Variants in TRIM29 observed in about 807,000 individuals in gnomAD.
TRIM29 encodes the protein tripartite motif-containing protein 29.
Under a neutral mutation model 57.3 loss-of-function variants are expected in TRIM29, and 52 were observed. The ratio of observed to expected loss-of-function variants is 0.91; its 90% confidence interval spans 0.73 to 1.14. The LOEUF (loss-of-function observed/expected upper bound fraction) is 1.14, where lower values mean the gene tolerates loss of function less well. Ranked by LOEUF, TRIM29 falls within the 50% of genes most tolerant of loss-of-function variation. The pLI is 0.00. For synonymous variants in TRIM29, 319 were observed against 316.9 expected, an observed-to-expected ratio of 1.01 and a Z score of -0.07; for missense variants, 753 against 774.6, an observed-to-expected ratio of 0.97 and a Z score of 0.33.
intron 1 of TRIM29, among the ~76,000 whole-genome samples, chr11:120,130,616 C>G (rs1863701275): frequency 6.6e-6 from 1 of 152,186 alleles, no homozygotes; most frequent in African/African-American, 2.4e-5. Flanking sequence ...GGAAGAGGAC[C>G]TGCCTTCCAG....
chr11:120,126,064 A>G lies in TRIM29; in HGVS notation c.1135-175T>C, dbSNP rs893432300. On this transcript the variant is annotated intron_variant, in intron 3 of 8. Coordinates refer to ENST00000341846, the MANE Select transcript of TRIM29 (RefSeq NM_012101.4). ...AAAAGGTTCAACTAAAAGCCACTGG[A>G]TGCTAACATCCCTGATGGCACTAGC... 8 of 647,740 alleles carry G rather than the reference A, an allele frequency of 1.2e-5. No homozygotes were observed. The African/African-American group carries it at 1.5e-4, about 12-fold the overall frequency. The allele number at this position is 647,740 out of a possible 1,614,324, so 40.1% of individuals were successfully genotyped here. A position where few individuals can be genotyped will look rare whatever the true frequency, so the allele number is the denominator to read the frequency against.
At chr11:120,120,722 T>C in intron 5 of TRIM29, 57 bp from the exon 6 acceptor site, 5 of 1,559,986 alleles carry the variant, frequency 3.2e-6, no homozygotes, top group Non-Finnish European at 4.4e-6. Context: ...CAGGACTCCT[T>C]GCCCCCAAAA....
chr11:120,128,891 C>G, intron 1 of TRIM29: 3 of 1,448,452 alleles, frequency 2.1e-6, no homozygotes, highest in African/African-American at 2.8e-5. Context: ...CAGCTCAGCC[C>G]AGCCCAGCCC....
chr11:120,120,225 A>G lies in TRIM29; in HGVS notation c.1528+348T>C, dbSNP rs1047098181. Among the ~76,000 whole-genome samples the G allele has an allele frequency of 1.6e-4, 24 of 151,944 alleles. 1 individual carries two copies. Among genetic ancestry groups the G allele is most frequent in the Admixed American group, 1.5e-3 (23 of 15,262 alleles). On this transcript the variant is annotated intron_variant, in intron 6 of 8. Transcript: ENST00000341846. ...AAGCCCAAGGTGGCTGCTCAGACCC[A>G]GTTTTCCCCAGATCCTTCCTCAGGG...
At chr11:120,129,735 C>G (rs1276241564) in intron 1 of TRIM29, among the ~76,000 whole-genome samples, 1 of 151,928 alleles carries the variant, frequency 6.6e-6, no homozygotes, top group African/African-American at 2.4e-5. Context: ...CCTGGCTTTC[C>G]TGGAAAAGGT....
chr11:120,127,528 G>A lies in TRIM29; in HGVS notation c.942C>T (p.Phe314=), dbSNP rs144234206. ...TNEKAILEQN[F]RDLVRDLEKQ... ...TCTCCAGGTCCCGCACCAGGTCCCG[G>A]AAGTTCTGCTCCAGGATGGCCTTCT... Residue 314 remains phenylalanine (F), a synonymous_variant, in exon 3 of 9, where the codon TTC becomes TTT. Transcript: ENST00000341846. 25 of 1,614,064 alleles carry A rather than the reference G, an allele frequency of 1.5e-5. No individual in the cohort carries two copies. Among genetic ancestry groups the A allele is most frequent in the South Asian group, 2.2e-5 (2 of 91,088 alleles).
At chr11:120,122,858 C>A (rs1863493103) in intron 5 of TRIM29, 96 bp downstream of exon 5, 1 of 982,980 alleles carries the variant, frequency 1.0e-6, no homozygotes, top group African/African-American at 1.6e-5. Context: ...ATCACCCCCA[C>A]TCAGAAGGAA....
intron 3 of TRIM29, among the ~76,000 whole-genome samples, chr11:120,126,508 T>C (rs1373875021): frequency 6.6e-6 from 1 of 152,176 alleles, no homozygotes; most frequent in Non-Finnish European, 1.5e-5. Flanking sequence ...CCTCCCAAAG[T>C]GCTGGGATTA....
chr11:120,123,539 G>A (rs1863513435), intron 4 of TRIM29: 1 of 438,902 alleles, frequency 2.3e-6, no homozygotes, highest in South Asian at 1.7e-5. Context: ...GCAGCCTAAG[G>A]TGAGGGGATG....
At position 120,123,055 on chromosome 11, in the gene TRIM29, C is replaced by T. The variant is rs780660824; in HGVS notation, c.1334G>A (p.Gly445Asp). 1.9e-6 allele frequency: 3 copies of T among 1,613,920 alleles called. No individual in the cohort carries two copies. The East Asian group carries it at 6.7e-5, about 36-fold the overall frequency. ...GTTGTTCACATAGCGATGGTCACCA[C>T]CTAGGAAGCAGAGGGTCGGGTCAGC... ...NFIERNHMEN[G>D]GDHRYVNNYT... is the part of the protein sequence containing the mutation. The change falls in exon 5 of 9, where the codon GGT (glycine) becomes GAT (aspartate). Residue 445 changes from glycine (G) to aspartate (D), a missense_variant and splice_region_variant. By Grantham distance (94) the Gly-to-Asp change is moderately conservative. Transcript: ENST00000341846.
At chr11:120,115,695 G>A (rs936635152) in intron 7 of TRIM29, 25 of 455,228 alleles carry the variant, frequency 5.5e-5, no homozygotes, top group South Asian at 1.8e-4. Flanking sequence ...CACATCCAGC[G>A]CAGCATCACA....
Position 120,138,091 on chromosome 11 carries a change from T to C in TRIM29, c.-60A>G, listed in dbSNP as rs1863859110. On this transcript the variant is annotated 5_prime_UTR_variant, in exon 1 of 9. Coordinates refer to ENST00000341846, the MANE Select transcript of TRIM29 (RefSeq NM_012101.4). Reference sequence around the variant, plus strand: ...TGGGGTTCAGGATAGGTGACCTTTCTGGCAGGCGTCTCGGCAGGGAGTGGG... The same window carrying C: ...TGGGGTTCAGGATAGGTGACCTTTCCGGCAGGCGTCTCGGCAGGGAGTGGG... 2.8e-6 allele frequency: 4 copies of C among 1,450,972 alleles called. No homozygotes were observed. The highest frequency in any genetic ancestry group is 3.6e-6 in the Non-Finnish European group (4 of 1,102,062). 89.9% of individuals were successfully genotyped at this position (1,450,972 alleles called of 1,614,324 possible).
chr11:120,134,438 C>T (rs1373357678), intron 1 of TRIM29, among the ~76,000 whole-genome samples: 2 of 152,224 alleles, frequency 1.3e-5, no homozygotes, highest in Admixed American at 6.5e-5. Flanking sequence ...TTTGGGTCTG[C>T]AGGAGATGCC....
At chr11:120,122,131 A>AGTGTGT (rs72245071) in intron 5 of TRIM29, 38,981 of 203,524 alleles carry the variant, frequency 0.19, 4,845 homozygotes, top group Non-Finnish European at 0.25. Flanking sequence ...TGTGTGTGTG[A>AGTGTGT]GTGTGTGTGT....
At chr11:120,120,260 GCA>G (rs1272640960) in intron 6 of TRIM29, among the ~76,000 whole-genome samples, 2 of 151,702 alleles carry the variant, frequency 1.3e-5, no homozygotes, top group African/African-American at 4.8e-5. Context: ...GATCAGAAGA[GCA>G]CACAGACTCA....
At chr11:120,119,130 C>T (rs760644084) in intron 6 of TRIM29, among the ~76,000 whole-genome samples, 1 of 152,200 alleles carries the variant, frequency 6.6e-6, no homozygotes, top group African/African-American at 2.4e-5. Context: ...TAGGCTAACA[C>T]ATGCCTATGT....
At chr11:120,129,614 A>G (rs1863675970) in intron 1 of TRIM29, among the ~76,000 whole-genome samples, 1 of 152,224 alleles carries the variant, frequency 6.6e-6, no homozygotes, top group Non-Finnish European at 1.5e-5. Flanking sequence ...ACCTGGGCAC[A>G]TGCAACACCA....
rs757983688 is a variant in TRIM29 at position 120,128,441 on chromosome 11, C to A, written c.859G>T (p.Asp287Tyr). 1.3e-5 allele frequency: 21 copies of A among 1,612,438 alleles called. No homozygotes were observed. The Admixed American group carries it at 3.5e-4, about 27-fold the overall frequency. Reference sequence around the variant, plus strand: ...TCCTTCTGCCACTTCTCAGCTTCATCCTCAATCTCAATGATCTTGAGCTGC... The same window carrying A: ...TCCTTCTGCCACTTCTCAGCTTCATACTCAATCTCAATGATCTTGAGCTGC... ...QLQLKIIEIE[D>Y]EAEKWQKEKD... The change falls in exon 2 of 9, where the codon GAT becomes TAT. Residue 287 changes from aspartate (D) to tyrosine (Y), a missense_variant. Asp to Tyr is a radical substitution (Grantham distance 160, BLOSUM62 -3). Transcript: ENST00000341846.
intron 4 of TRIM29, 29 bp downstream of exon 4, chr11:120,125,662 T>C (rs752306262): frequency 1.9e-6 from 3 of 1,613,136 alleles, no homozygotes; most frequent in African/African-American, 2.7e-5. Flanking sequence ...GTCTATGGCC[T>C]TGGGGCCCAG....
Sources: gnomAD v4.1 joint callset for allele counts (sites outside exome capture counted in the v4.1 genomes callset) on GRCh38, gnomAD v4.1.1 for gene constraint, MANE v1.5 for transcripts, NCBI Gene and HGNC (gene_info 2026-07-23, HGNC 2026-07-21) for gene names.